PCDH15: variants seen among roughly 807,000 people sequenced by gnomAD.
PCDH15 encodes protocadherin related 15.
PCDH15 carries 129 observed loss-of-function variants against 178.5 expected under a neutral mutation model. The ratio of observed to expected loss-of-function variants is 0.72; its 90% confidence interval spans 0.63 to 0.84. The LOEUF is 0.84. Ranked by LOEUF, PCDH15 falls within the 40% of genes least tolerant of loss-of-function variation. The pLI is 0.00. For missense variants in PCDH15, 2,230 were observed against 2,099.9 expected, an observed-to-expected ratio of 1.06 and a Z score of -1.21; for synonymous variants, 800 against 732.0, an observed-to-expected ratio of 1.09 and a Z score of -1.50.
chr10:55,560,836 G>C (rs1842182868), intron 2 of PCDH15, among the ~76,000 whole-genome samples: 1 of 151,558 alleles, frequency 6.6e-6, no homozygotes. Context: ...AATAGATAAA[G>C]ACTAACATGT....
At chr10:55,252,085 C>G (rs1412681667) in intron 1 of PCDH15, among the ~76,000 whole-genome samples, 1 of 152,110 alleles carries the variant, frequency 6.6e-6, no homozygotes, top group Non-Finnish European at 1.5e-5. Flanking sequence ...CATTCATTGT[C>G]GACCAAGCTT....
At chr10:54,853,521 T>C (rs2131770796) in intron 3 of PCDH15, among the ~76,000 whole-genome samples, 1 of 150,056 alleles carries the variant, frequency 6.7e-6, no homozygotes, top group Non-Finnish European at 1.5e-5. Flanking sequence ...AAATGCCATG[T>C]TGAGTTTGTA....
chr10:55,176,610 C>T (rs1216456616), intron 1 of PCDH15, among the ~76,000 whole-genome samples: 2 of 152,126 alleles, frequency 1.3e-5, no homozygotes, highest in Non-Finnish European at 2.9e-5. Context: ...CCTTGTAATG[C>T]CCTGATATTG....
chr10:54,353,802 GATTAAT>G (rs1384870505), intron 5 of PCDH15, among the ~76,000 whole-genome samples: 1 of 151,912 alleles, frequency 6.6e-6, no homozygotes, highest in Admixed American at 6.6e-5. Flanking sequence ...AAGACTAGAT[GATTAAT>G]ATTAAGGGTT....
At chr10:54,502,474 G>A (rs1405105331) in intron 3 of PCDH15, among the ~76,000 whole-genome samples, 4 of 152,026 alleles carry the variant, frequency 2.6e-5, no homozygotes, top group Non-Finnish European at 5.9e-5. Context: ...ATTTTACTAT[G>A]AACTTACTTA....
intron 8 of PCDH15, among the ~76,000 whole-genome samples, chr10:54,290,708 A>G (rs1263539199): frequency 6.6e-6 from 1 of 152,198 alleles, no homozygotes; most frequent in African/African-American, 2.4e-5. Context: ...AAGATCTACC[A>G]AACAAATGGA....
chr10:54,850,146 G>A (rs1194282942), intron 3 of PCDH15, among the ~76,000 whole-genome samples: 5 of 151,930 alleles, frequency 3.3e-5, no homozygotes, highest in African/African-American at 9.7e-5. Context: ...GGCATAAAAC[G>A]ATTTTTAGTG....
chr10:54,334,126 A>C (rs1940497090), intron 6 of PCDH15, among the ~76,000 whole-genome samples: 1 of 152,202 alleles, frequency 6.6e-6, no homozygotes, highest in African/African-American at 2.4e-5. Flanking sequence ...TAAATGATTT[A>C]ATACCCACAC....
chr10:55,171,486 C>A (rs1296665419), intron 1 of PCDH15, among the ~76,000 whole-genome samples: 1 of 151,878 alleles, frequency 6.6e-6, no homozygotes, highest in Non-Finnish European at 1.5e-5. Context: ...TTAATGAAAT[C>A]CCCACTTATT....
chr10:54,695,324 C>G lies in PCDH15; in HGVS notation c.-28-31034G>C, dbSNP rs546400359. Among the ~76,000 whole-genome samples, 10 of 152,264 alleles carry G rather than the reference C, an allele frequency of 6.6e-5. 2 individuals carry two copies. The highest frequency in any genetic ancestry group is 2.4e-4 in the African/African-American group (10 of 41,560). ...CCTTAAACCAAAGCCTAATCCAGAA[C>G]AAGGCCTTAACTCTCTTAAATTCTG... is the stretch of plus-strand genomic sequence containing the variant. On this transcript the variant is annotated intron_variant, in intron 1 of 37. Transcript: ENST00000644397.
chr10:53,938,287 T>C (rs1195430050), intron 25 of PCDH15, among the ~76,000 whole-genome samples: 1 of 152,108 alleles, frequency 6.6e-6, no homozygotes, highest in East Asian at 1.9e-4. Context: ...AATCTTGCCT[T>C]TGTAAAACAG....
At chr10:54,464,778 T>C (rs1043612425) in intron 3 of PCDH15, among the ~76,000 whole-genome samples, 3 of 152,168 alleles carry the variant, frequency 2.0e-5, no homozygotes, top group African/African-American at 7.2e-5. Flanking sequence ...TCTAGCTAGC[T>C]AGCTATTTTA....
chr10:55,238,316 A>G (rs1841448156), intron 1 of PCDH15, among the ~76,000 whole-genome samples: 1 of 151,506 alleles, frequency 6.6e-6, no homozygotes, highest in Non-Finnish European at 1.5e-5. Context: ...CGCCCGGCTA[A>G]TTTTCTTGTA....
intron 3 of PCDH15, among the ~76,000 whole-genome samples, chr10:54,810,218 G>A (rs1952841428): frequency 1.3e-5 from 2 of 152,216 alleles, no homozygotes; most frequent in South Asian, 4.1e-4. Flanking sequence ...GGGTCTGTGT[G>A]CAATGTTCAG....
intron 26 of PCDH15, among the ~76,000 whole-genome samples, chr10:53,887,822 T>G (rs1283584622): frequency 6.6e-6 from 1 of 151,912 alleles, no homozygotes; most frequent in Non-Finnish European, 1.5e-5. Flanking sequence ...CCGGGAGGCG[T>G]AGCTTGCAGT....
chr10:54,386,529 A>C (rs368099465), intron 3 of PCDH15, among the ~76,000 whole-genome samples: 2 of 152,150 alleles, frequency 1.3e-5, no homozygotes, highest in South Asian at 4.1e-4. Context: ...ACCACCTGAA[A>C]GTGATTATCT....
chr10:54,575,578 G>T (rs1235475585), intron 2 of PCDH15, among the ~76,000 whole-genome samples: 1 of 152,036 alleles, frequency 6.6e-6, no homozygotes, highest in Non-Finnish European at 1.5e-5. Flanking sequence ...ATATCTAGAT[G>T]CTTGTGTTTC....
chr10:55,070,587 G>A (rs1365212935), intron 2 of PCDH15, among the ~76,000 whole-genome samples: 1 of 152,132 alleles, frequency 6.6e-6, no homozygotes, highest in Non-Finnish European at 1.5e-5. Context: ...TCAGATAGTT[G>A]TAGATACGTG....
chr10:54,234,747 T>C (rs147211202), intron 9 of PCDH15, among the ~76,000 whole-genome samples: 271 of 152,314 alleles, frequency 1.8e-3, no homozygotes, highest in Middle Eastern at 0.017. Context: ...TCATTTACCT[T>C]AGCTGTGACA....
Sources: gnomAD v4.1 joint callset for allele counts (sites outside exome capture counted in the v4.1 genomes callset) on GRCh38, gnomAD v4.1.1 for gene constraint, MANE v1.5 for transcripts, NCBI Gene and HGNC (gene_info 2026-07-23, HGNC 2026-07-21) for gene names.